SNX25: variants seen among roughly 807,000 people sequenced by gnomAD.
SNX25 encodes the protein sorting nexin 25.
SNX25 carries 62 observed loss-of-function variants against 113.7 expected under a neutral mutation model. The ratio of observed to expected loss-of-function variants is 0.55; its 90% CI spans 0.44 to 0.67. The LOEUF (loss-of-function observed/expected upper bound fraction) is 0.67. Ranked by LOEUF, SNX25 falls within the 30% of genes least tolerant of loss-of-function variation. SNX25 has a pLI of 0.00. For synonymous variants in SNX25, 421 were observed against 436.2 expected (o/e 0.97, Z 0.43); for missense variants, 1,014 against 1,161.0 (o/e 0.87, Z 1.84).
chr4:185,238,284 C>T (rs187526869), intron 1 of SNX25, among the ~76,000 whole-genome samples: 104 of 151,938 alleles, frequency 6.8e-4, no homozygotes, highest in African/African-American at 2.1e-3. Context: ...GAGTGGAGCC[C>T]GCCTGCCATG....
intron 1 of SNX25, among the ~76,000 whole-genome samples, chr4:185,245,406 C>G (rs1334100550): frequency 1.3e-5 from 2 of 151,792 alleles, no homozygotes; most frequent in African/African-American, 4.8e-5. Context: ...GGCGAGATCT[C>G]AACTCACTGC....
upstream of SNX25, among the ~76,000 whole-genome samples, chr4:185,208,931 A>G (rs1359893626): frequency 6.6e-6 from 1 of 152,184 alleles, no homozygotes; most frequent in African/African-American, 2.4e-5. Flanking sequence ...ATACTCTAAA[A>G]ATTATTTGGA....
intron 9 of SNX25, among the ~76,000 whole-genome samples, chr4:185,329,929 A>G (rs1469579428): frequency 1.3e-5 from 2 of 152,096 alleles, no homozygotes; most frequent in Non-Finnish European, 1.5e-5. Context: ...CTCAGGATCT[A>G]GTGGGATGGG....
Position 185,209,645 on chromosome 4 carries a change from C to T in SNX25, c.-182C>T, listed in dbSNP as rs1737406850. On this transcript the variant is annotated 5_prime_UTR_variant, in exon 1 of 19. It adds an upstream start codon to the 5' untranslated region. Transcript: ENST00000652585. This position sits in a 1 kb window ranked among gnomAD's most constrained non-coding sequence, Gnocchi z 5.2. ...CTGGCTGCGCCCGGCCCGGCAGCTA[C>T]GGGCCCAGCGCCTGGTGGCGGCGCT... The T allele has an allele frequency of 8.1e-6, 6 of 736,778 alleles. No individual in the cohort carries two copies. The highest frequency in any genetic ancestry group is 1.0e-5 in the Non-Finnish European group (6 of 602,790). The allele number at this position is 736,778 out of a possible 1,614,324, so 45.6% of individuals were successfully genotyped here.
At position 185,226,170 on chromosome 4, in the gene SNX25, G is replaced by A. The variant is rs116822214; in HGVS notation, c.429+15915G>A. ...AAAATTCACCGAGTTGGCACATAGC[G>A]TGAAACCCATCAGGCATTTTGAGTG... On this transcript the variant is annotated intron_variant, in intron 1 of 18. Coordinates refer to ENST00000652585, the MANE Select transcript of SNX25 (RefSeq NM_001378034.2). 6.9e-3 allele frequency among the ~76,000 whole-genome samples: 1,044 copies of A among 152,314 alleles called. 8 individuals carry two copies. Among genetic ancestry groups the A allele is most frequent in the African/African-American group, 0.024 (994 of 41,570 alleles).
upstream of SNX25, among the ~76,000 whole-genome samples, chr4:185,206,552 G>A (rs1031884110): frequency 6.6e-6 from 1 of 151,772 alleles, no homozygotes. Context: ...CCAGCTACTC[G>A]GGAGGCTGAG....
At chr4:185,214,352 T>A (rs1319362556) in intron 1 of SNX25, among the ~76,000 whole-genome samples, 2 of 145,776 alleles carry the variant, frequency 1.4e-5, no homozygotes, top group Admixed American at 1.4e-4. Flanking sequence ...AGGCCAGGAG[T>A]TGCAGATCAG....
rs1321801166 is a variant in SNX25 at position 185,232,317 on chromosome 4, C to T, written c.430-14977C>T. Among the ~76,000 whole-genome samples, 3 of 152,122 alleles carry T rather than the reference C, an allele frequency of 2.0e-5. No individual in the cohort carries two copies. The highest frequency in any genetic ancestry group is 4.8e-5 in the African/African-American group (2 of 41,422). On this transcript the variant is annotated intron_variant, in intron 1 of 18. Coordinates refer to ENST00000652585, the MANE Select transcript of SNX25 (RefSeq NM_001378034.2). This position sits in a 1 kb window ranked among gnomAD's most constrained non-coding sequence, Gnocchi z 4.4. ...ACGGGGTTACAATCTTCCCGGACAT[C>T]GCCTAAGTTTTATTATCCCCCTTAT... is the stretch of plus-strand genomic sequence containing the variant.
intron 5 of SNX25, among the ~76,000 whole-genome samples, chr4:185,278,802 A>G (rs570424473): frequency 1.0e-3 from 152 of 152,334 alleles, no homozygotes; most frequent in Non-Finnish European, 1.5e-3. Context: ...ACATATACGA[A>G]TGGTGCTATA....
At chr4:185,302,334 G>T (rs1753819535) in intron 6 of SNX25, among the ~76,000 whole-genome samples, 2 of 152,158 alleles carry the variant, frequency 1.3e-5, no homozygotes, top group African/African-American at 2.4e-5. Context: ...CTTGAAGCTG[G>T]TTGGTCAGAA....
chr4:185,375,727 C>T, the SNX25 span: 1 of 1,563,118 alleles, frequency 6.4e-7, no homozygotes, highest in Non-Finnish European at 8.8e-7. Flanking sequence ...CATACCATCC[C>T]TAGAAGCACC....
rs769256698 is a variant in SNX25, at chr4:185,362,671, A to G, written c.2894A>G (p.Asn965Ser). 3.7e-6 allele frequency: 6 copies of G among 1,613,962 alleles called. No individual in the cohort carries two copies. The highest frequency in any genetic ancestry group is 1.3e-5 in the African/African-American group (1 of 74,888). ...CGCCACGGTATAATAAAAATATTCA[A>G]TGCACTGCAAGAAACAAGAGCCAAC... ...NARHGIIKIFNALQETRANKH... is the reference protein window; with the variant it reads ...NARHGIIKIFSALQETRANKH... Residue 965 changes from asparagine (N) to serine (S), a missense_variant, in exon 18 of 19, where the codon AAT (asparagine) becomes AGT (serine). Coordinates refer to ENST00000652585, the MANE Select transcript of SNX25 (RefSeq NM_001378034.2).
chr4:185,270,613 T>C (rs1748786546), intron 5 of SNX25, among the ~76,000 whole-genome samples: 2 of 128,192 alleles, frequency 1.6e-5, no homozygotes, highest in African/African-American at 5.6e-5. Flanking sequence ...TGATTGTCAC[T>C]ACTATGTAAT....
intron 7 of SNX25, among the ~76,000 whole-genome samples, chr4:185,320,440 C>T (rs1012040061): frequency 8.6e-5 from 13 of 151,920 alleles, no homozygotes; most frequent in Admixed American, 6.6e-4. Flanking sequence ...AACACATGGA[C>T]ACAGGGAGGG....
At position 185,275,201 on chromosome 4, in the gene SNX25, G is replaced by A. The variant is rs185202941; in HGVS notation, c.1091+8046G>A. Among the ~76,000 whole-genome samples the A allele has an allele frequency of 3.4e-4, 52 of 152,278 alleles. No individual in the cohort carries two copies. In the East Asian group the frequency reaches 9.4e-3, roughly 28 times the overall value. On this transcript the variant is annotated intron_variant, in intron 5 of 18. Coordinates refer to ENST00000652585, the MANE Select transcript of SNX25 (RefSeq NM_001378034.2). The stretch of plus-strand genomic sequence containing the variant: ...ACCACCGATCTAGTCTTTATTCGAT[G>A]TTTCAGTTCTGGATTTGTTTATTTC...
At chr4:185,213,818 GA>G (rs1304554579) in intron 1 of SNX25, among the ~76,000 whole-genome samples, 1 of 152,162 alleles carries the variant, frequency 6.6e-6, no homozygotes, top group Non-Finnish European at 1.5e-5. Flanking sequence ...TGGAAAAGAG[GA>G]CACCATTTCT....
chr4:185,251,623 G>A (rs1745672797), intron 2 of SNX25, among the ~76,000 whole-genome samples: 1 of 102,976 alleles, frequency 9.7e-6, no homozygotes, highest in Non-Finnish European at 2.4e-5. Flanking sequence ...GTGTGTGTGT[G>A]TGTGTGTGTG....
At chr4:185,279,104 T>C (rs1335193966) in intron 5 of SNX25, among the ~76,000 whole-genome samples, 1 of 151,404 alleles carries the variant, frequency 6.6e-6, no homozygotes, top group African/African-American at 2.4e-5. Context: ...ATACTTAATA[T>C]ATTTCCAAAT....
Position 185,310,729 on chromosome 4 carries a change from G to A in SNX25, c.1257G>A (p.Glu419=). Residue 419 remains glutamate, a synonymous_variant, in exon 7 of 19, where the codon GAG becomes GAA. Coordinates refer to ENST00000652585, the MANE Select transcript of SNX25 (RefSeq NM_001378034.2). The stretch of plus-strand genomic sequence containing the variant: ...TGACTGTGGCAAAGAAGCAGTGTGA[G>A]AAGAGAATCCGAATCCTGGGAGGCC... The part of the protein sequence containing the change: ...NQLTVAKKQC[E]KRIRILGGPA... 1.9e-6 allele frequency: 3 copies of A among 1,614,090 alleles called. No homozygotes were observed. Among genetic ancestry groups the A allele is most frequent in the Non-Finnish European group, 2.5e-6 (3 of 1,179,978 alleles).
Sources: gnomAD v4.1 joint callset for allele counts (sites outside exome capture counted in the v4.1 genomes callset) on GRCh38, gnomAD v4.1.1 for gene constraint, Gnocchi (gnomAD v3.1) non-coding constraint, MANE v1.5 for transcripts, NCBI Gene and HGNC (gene_info 2026-07-23, HGNC 2026-07-21) for gene names.